MYO15B: variants seen among roughly 807,000 people sequenced by gnomAD.
MYO15B encodes the protein myosin XVB.
In MYO15B, 207 loss-of-function variants were observed where a neutral mutation model predicts 119.3. That is an observed-to-expected ratio of 1.73 (90% CI 1.55 to 1.95). The LOEUF (loss-of-function observed/expected upper bound fraction) is 1.95. Ranked by LOEUF, MYO15B falls within the 30% of genes most tolerant of loss-of-function variation. The pLI is 0.00. For missense variants in MYO15B, 2,264 were observed against 1,203.1 expected, an observed-to-expected ratio of 1.88 and a Z score of -13.04; for synonymous variants, 966 against 498.9, an observed-to-expected ratio of 1.94 and a Z score of -12.48.
exon 61 of MYO15B, chr17:75,625,557 G>C: frequency 2.8e-6 from 2 of 703,114 alleles, no homozygotes. Context: ...TGCCAAAGCA[G>C]CTGCAACGGC....
exon 8 of MYO15B, chr17:75,592,451 T>C (rs1231365053): frequency 3.3e-6 from 2 of 614,708 alleles, no homozygotes; most frequent in Admixed American, 2.8e-5. Context: ...GGAGCTTCCA[T>C]GTTTTTTACA....
chr17:75,624,407 C>T (rs775279730), exon 57 of MYO15B: 13 of 702,462 alleles, frequency 1.9e-5, no homozygotes, highest in Middle Eastern at 2.3e-4. Context: ...ATTCACCTGC[C>T]GGGGGGTGTG....
chr17:75,615,326 C>G, exon 34 of MYO15B: 1 of 702,406 alleles, frequency 1.4e-6, no homozygotes, highest in Non-Finnish European at 2.6e-6. Context: ...GGGCACAGTC[C>G]CTGCCATGCC....
At chr17:75,595,823 T>A (rs2056820812) in intron 12 of MYO15B, among the ~76,000 whole-genome samples, 1 of 152,172 alleles carries the variant, frequency 6.6e-6, no homozygotes, top group South Asian at 2.1e-4. Context: ...CTGCACCCCT[T>A]TACAGAGGAT....
chr17:75,624,262 CT>C lies in MYO15B; in HGVS notation c.8363del (p.Phe2788SerfsTer2), dbSNP rs1280736304. On this transcript the variant is annotated frameshift_variant, in exon 56 of 64. Transcript: ENST00000645453. LOFTEE classifies it high-confidence loss of function. ...ATGCCCCCACCGGGTGAAATGAAGG[CT>C]TTCCTGGTACTGGGGGTGGCGGATG... The C allele has an allele frequency of 8.5e-6, 6 of 702,842 alleles. No homozygotes were observed. In the East Asian group the frequency reaches 1.3e-4, roughly 16 times the overall value. 43.5% of individuals were successfully genotyped at this position (702,842 alleles called of 1,614,324 possible).
intron 19 of MYO15B, 65 bp downstream of exon 19, chr17:75,603,377 G>A: frequency 1.5e-6 from 1 of 686,914 alleles, no homozygotes. Context: ...GCAGCCCCGG[G>A]GGTCCTTCTG....
chr17:75,590,058 G>C, exon 1 of MYO15B: 1 of 399,082 alleles, frequency 2.5e-6, no homozygotes, highest in Non-Finnish European at 4.4e-6. Context: ...TGCAGCAGGA[G>C]GGAGACCCGG....
intron 60 of MYO15B, 21 bp from the exon 61 acceptor site, chr17:75,625,506 G>T: frequency 1.4e-6 from 1 of 702,914 alleles, no homozygotes; most frequent in South Asian, 1.5e-5. Context: ...GGGCCAAACT[G>T]ACCCTGGTCA....
rs1598672505 is a variant in MYO15B, at chr17:75,589,072, G to C, written c.1015G>C (p.Val339Leu). The C allele has an allele frequency of 5.1e-6, 2 of 395,390 alleles. No homozygotes were observed. The highest frequency in any genetic ancestry group is 8.9e-6 in the Non-Finnish European group (2 of 224,016). 24.5% of individuals were successfully genotyped at this position (395,390 alleles called of 1,614,324 possible). The change falls in exon 1 of 64, where the codon GTG becomes CTG. Residue 339 changes from valine to leucine, a missense_variant. By Grantham distance (32) the Val-to-Leu change is conservative. Transcript: ENST00000645453. This position sits in a 1 kb window ranked among gnomAD's most constrained non-coding sequence, Gnocchi z 4.2. ...CCCAGCCCCGCTGGCGGCCCTCCTG[G>C]TGGTCCGCAGGCTCCTCGCGAGGCC...
intron 14 of MYO15B, among the ~76,000 whole-genome samples, chr17:75,598,108 A>C (rs755692774): frequency 2.6e-5 from 4 of 151,210 alleles, no homozygotes; most frequent in African/African-American, 7.3e-5. Context: ...ATATGGGGCA[A>C]CCCTCCCCCA....
intron 9 of MYO15B, 68 bp downstream of exon 9, chr17:75,592,908 C>A: frequency 1.5e-6 from 1 of 663,128 alleles, no homozygotes. Flanking sequence ...GTGGTAATGA[C>A]GCCAAATGCT....
chr17:75,619,473 C>G (rs1477632193), exon 45 of MYO15B: 1 of 702,318 alleles, frequency 1.4e-6, no homozygotes, highest in Non-Finnish European at 2.6e-6. Flanking sequence ...TCTTTCCTGT[C>G]TCGGTCAGTG....
chr17:75,625,541 C>G (rs775435670), exon 61 of MYO15B: 1 of 703,120 alleles, frequency 1.4e-6, no homozygotes, highest in South Asian at 1.5e-5. Flanking sequence ...GACCTGCTAG[C>G]TTACGTGCCA....
rs137952828 is a variant in MYO15B at position 75,626,490 on chromosome 17, G to A, written c.*6G>A. The A allele has an allele frequency of 1.6e-3, 1,121 of 703,188 alleles. 3 individuals are homozygous for A. The highest frequency in any genetic ancestry group is 2.5e-3 in the Non-Finnish European group (956 of 385,048). The allele number at this position is 703,188 out of a possible 1,614,324, so 43.6% of individuals were successfully genotyped here. On this transcript the variant is annotated 3_prime_UTR_variant, in exon 64 of 64. Transcript: ENST00000645453. ...AGTGGCCCAGCATCAACTGAGAGGAGTGCAGGCCGGGGAGAGAAGAGGATG... is the reference window on the plus strand; with the variant it reads ...AGTGGCCCAGCATCAACTGAGAGGAATGCAGGCCGGGGAGAGAAGAGGATG...
intron 47 of MYO15B, 75 bp from the exon 48 acceptor site, chr17:75,620,171 G>A: frequency 1.4e-6 from 1 of 698,572 alleles, no homozygotes; most frequent in South Asian, 1.5e-5. Context: ...GGCCAGCAGG[G>A]GGAGCAGGTG....
chr17:75,613,026 T>C, exon 27 of MYO15B: 1 of 698,510 alleles, frequency 1.4e-6, no homozygotes, highest in Non-Finnish European at 2.6e-6. Context: ...AGGCAGATCA[T>C]GGGCGCATAC....
In MYO15B at chr17:75,616,165, G is replaced by A. The variant is rs1022092837; in HGVS notation, c.6109+18G>A. The A allele has an allele frequency of 1.8e-6, 1 of 568,850 alleles. No homozygotes were observed. The highest frequency in any genetic ancestry group is 3.1e-6 in the Non-Finnish European group (1 of 322,428). The allele number at this position is 568,850 out of a possible 1,614,324, so 35.2% of individuals were successfully genotyped here. A position where few individuals can be genotyped will look rare whatever the true frequency, so the allele number is the denominator to read the frequency against. ...GAGGATGGGTGAGGGCACTTGGGGT[G>A]GCAGGACCGTGCAGAAACATGGCCA... On this transcript the variant is annotated intron_variant, in intron 37 of 63. Transcript: ENST00000645453.
intron 15 of MYO15B, 150 bp from the exon 16 acceptor site, chr17:75,602,367 G>A: frequency 1.4e-6 from 1 of 700,448 alleles, no homozygotes; most frequent in Non-Finnish European, 2.6e-6. Context: ...GCAGACCCAA[G>A]GCTAGGTAAA....
intron 12 of MYO15B, among the ~76,000 whole-genome samples, chr17:75,595,961 G>A (rs577399573): frequency 3.3e-5 from 5 of 152,240 alleles, no homozygotes; most frequent in Non-Finnish European, 7.3e-5. Flanking sequence ...TTGTGACCGT[G>A]CCCTCCCTGA....
Sources: allele counts gnomAD v4.1 joint callset (sites outside exome capture counted in the v4.1 genomes callset), GRCh38; gene constraint gnomAD v4.1.1; non-coding constraint Gnocchi (gnomAD v3.1); transcripts MANE v1.5; gene names NCBI Gene and HGNC (gene_info 2026-07-23, HGNC 2026-07-21).